The following DMXL2 variants were observed in gnomAD, a reference collection of about 807,000 sequenced individuals.
DMXL2 encodes the protein dmX-like protein 2.
In DMXL2, 103 loss-of-function variants were observed where a neutral mutation model predicts 331.1. That is an observed-to-expected ratio of 0.31 (90% CI 0.27 to 0.37). The LOEUF is 0.37. DMXL2 is among the 10% of genes least tolerant of loss of function. The pLI, the probability that DMXL2 is intolerant of heterozygous loss-of-function variation, is 1.00. For missense variants in DMXL2, 3,171 were observed against 3,642.9 expected (o/e 0.87, Z 3.33); for synonymous variants, 1,281 against 1,252.1 (o/e 1.02, Z -0.49).
chr15:51,458,259 C>G (rs1190232588), intron 36 of DMXL2, among the ~76,000 whole-genome samples: 1 of 152,188 alleles, frequency 6.6e-6, no homozygotes, highest in African/African-American at 2.4e-5. Flanking sequence ...TACTGAATAT[C>G]ATGAAGCCAA....
intron 33 of DMXL2, among the ~76,000 whole-genome samples, chr15:51,461,109 A>G (rs2040073117): frequency 6.6e-6 from 1 of 152,200 alleles, no homozygotes; most frequent in Non-Finnish European, 1.5e-5. Flanking sequence ...AAATTCTTCC[A>G]TCCTAACTCC....
rs118049166 is a variant in DMXL2, at chr15:51,484,717, C to G, written c.5482+1356G>C. ...AAGGAAAATACTAATTCTCCAGTAACAGACCTTAGTCACAAGGAAACATGA... is the reference window on the plus strand; with the variant it reads ...AAGGAAAATACTAATTCTCCAGTAAGAGACCTTAGTCACAAGGAAACATGA... On this transcript the variant is annotated intron_variant, in intron 23 of 43. Transcript: ENST00000560891. Among the ~76,000 whole-genome samples the G allele has an allele frequency of 6.9e-4, 105 of 152,252 alleles. No individual in the cohort carries two copies. In the East Asian group the frequency reaches 0.019, roughly 28 times the overall value.
intron 12 of DMXL2, 120 bp downstream of exon 12, chr15:51,536,046 C>G: frequency 1.0e-6 from 1 of 1,001,658 alleles, no homozygotes; most frequent in South Asian, 2.2e-5. Flanking sequence ...TTAAAAATCA[C>G]CTTAATGAAA....
At chr15:51,618,814 A>AAC (rs2054453457) in intron 1 of DMXL2, among the ~76,000 whole-genome samples, 1 of 152,158 alleles carries the variant, frequency 6.6e-6, no homozygotes, top group African/African-American at 2.4e-5. Context: ...TCCCAACTAC[A>AAC]ATCTCTTCCA....
At chr15:51,594,921 A>G (rs921060567) in intron 1 of DMXL2, among the ~76,000 whole-genome samples, 1 of 152,216 alleles carries the variant, frequency 6.6e-6, no homozygotes, top group Non-Finnish European at 1.5e-5. Flanking sequence ...TGTCAAAATA[A>G]TAAGAGCTAT....
intron 13 of DMXL2, among the ~76,000 whole-genome samples, chr15:51,521,464 G>A (rs199639475): frequency 0.041 from 2,098 of 51,156 alleles, 46 homozygotes; most frequent in African/African-American, 0.11. Context: ...TAGTAGTAGT[G>A]GTAGTGGTAG....
intron 29 of DMXL2, among the ~76,000 whole-genome samples, chr15:51,468,959 AAGAG>A (rs139561448): frequency 5.2e-4 from 77 of 149,350 alleles, no homozygotes; most frequent in Middle Eastern, 7.0e-3. Context: ...AAGTTAAAAA[AAGAG>A]AGAGAGAGAG....
At chr15:51,456,539 G>A (rs574286396) in intron 37 of DMXL2, among the ~76,000 whole-genome samples, 170 bp from the exon 38 acceptor site, 2 of 152,312 alleles carry the variant, frequency 1.3e-5, no homozygotes, top group South Asian at 2.1e-4. Flanking sequence ...TGAAGAGGGT[G>A]AGGAAGCACA....
In DMXL2 at chr15:51,488,014, T is replaced by C; in HGVS notation, c.5157A>G (p.Gln1719=). 1 of 1,613,586 alleles carries C rather than the reference T, an allele frequency of 6.2e-7. No individual in the cohort carries two copies. Among genetic ancestry groups the C allele is most frequent in the Non-Finnish European group, 8.5e-7 (1 of 1,179,772 alleles). The part of the protein sequence containing the change: ...LKNAFSLLGK[Q]RFEQSAAFFL... ...AAAAAGCAGCCGATTGTTCAAAGCG[T>C]TGTTTTCCAAGTAAGGAAAAAGCAT... The change falls in exon 22 of 44, where the codon CAA becomes CAG. Residue 1719 remains glutamine (Q), a synonymous_variant. Coordinates refer to ENST00000560891, the MANE Select transcript of DMXL2 (RefSeq NM_001378457.1).
chr15:51,532,091 G>A (rs2048032813), intron 13 of DMXL2, among the ~76,000 whole-genome samples: 1 of 151,792 alleles, frequency 6.6e-6, no homozygotes, highest in South Asian at 2.1e-4. Context: ...TTGCAGCTCT[G>A]TTCAAAACAA....
intron 6 of DMXL2, among the ~76,000 whole-genome samples, chr15:51,558,948 C>T (rs144823941): frequency 3.3e-5 from 5 of 152,122 alleles, no homozygotes; most frequent in African/African-American, 4.8e-5. Context: ...TGTAATGCTA[C>T]GTATTTTATT....
At chr15:51,621,354 C>T (rs1032663388) in intron 1 of DMXL2, among the ~76,000 whole-genome samples, 2 of 152,282 alleles carry the variant, frequency 1.3e-5, no homozygotes, top group East Asian at 1.9e-4. Context: ...CTTTATTTTC[C>T]GCAGTTTTAA....
In DMXL2 at chr15:51,474,573, A is replaced by G. The variant is rs566873822; in HGVS notation, c.6984T>C (p.Asn2328=). 437 of 1,614,002 alleles carry G rather than the reference A, an allele frequency of 2.7e-4. 3 individuals carry two copies. In the South Asian group the frequency reaches 4.5e-3, roughly 17 times the overall value. The change falls in exon 28 of 44, where the codon AAT becomes AAC. Residue 2328 remains asparagine (N), a synonymous_variant. Transcript: ENST00000560891. ...CTTCATCTTGGGCTGAACTCAAAAG[A>G]TTAATAAGTGAGCTCACACCTATAA... is the stretch of plus-strand genomic sequence containing the variant. The part of the protein sequence containing the change: ...AQWPGVSSLI[N]LLSSAQDEDQ...
At chr15:51,598,576 CTCTT>C (rs2053001940) in intron 1 of DMXL2, among the ~76,000 whole-genome samples, 1 of 152,208 alleles carries the variant, frequency 6.6e-6, no homozygotes, top group Admixed American at 6.5e-5. Context: ...TAATTCTTCA[CTCTT>C]TCTTTGTCTT....
Position 51,568,494 on chromosome 15 carries a change from C to G in DMXL2, c.278G>C (p.Arg93Thr). 1 of 1,558,316 alleles carries G rather than the reference C, an allele frequency of 6.4e-7. No individual in the cohort carries two copies. Among genetic ancestry groups the G allele is most frequent in the East Asian group, 2.3e-5 (1 of 43,362 alleles). Residue 93 changes from arginine to threonine, a missense_variant, in exon 3 of 44, where the codon AGA (arginine) becomes ACA (threonine). Coordinates refer to ENST00000560891, the MANE Select transcript of DMXL2 (RefSeq NM_001378457.1). ...TTATTGGTTAATACTTACACAATTTCTTTTATGAGAATTTATGCCCAAGGG... is the reference window on the plus strand; with the variant it reads ...TTATTGGTTAATACTTACACAATTTGTTTTATGAGAATTTATGCCCAAGGG... ...FEPLGINSHK[R>T]NCQLKCQWLK...
chr15:51,496,807 G>A (rs192416795), intron 18 of DMXL2, among the ~76,000 whole-genome samples: 1 of 152,308 alleles, frequency 6.6e-6, no homozygotes, highest in Admixed American at 6.5e-5. Flanking sequence ...AAGAATGACT[G>A]TAAGTTGTCT....
At chr15:51,558,044 G>T (rs960133617) in intron 6 of DMXL2, among the ~76,000 whole-genome samples, 2 of 152,182 alleles carry the variant, frequency 1.3e-5, no homozygotes, top group Non-Finnish European at 2.9e-5. Context: ...ATTTTGGTGT[G>T]CCAGTTTCAA....
chr15:51,567,646 G>A (rs2050379985), intron 3 of DMXL2: 1 of 152,224 alleles, frequency 6.6e-6, no homozygotes, highest in Non-Finnish European at 1.5e-5. Context: ...AAGGTTAACT[G>A]AGAAACAGTA....
At chr15:51,474,054 C>T (rs571644502) in intron 28 of DMXL2, among the ~76,000 whole-genome samples, 1 of 150,668 alleles carries the variant, frequency 6.6e-6, no homozygotes, top group Non-Finnish European at 1.5e-5. Context: ...TTTTGTATGA[C>T]TTTGTTCCTT....
Sources: allele counts gnomAD v4.1 joint callset (sites outside exome capture counted in the v4.1 genomes callset), GRCh38; gene constraint gnomAD v4.1.1; transcripts MANE v1.5; gene names NCBI Gene and HGNC (gene_info 2026-07-23, HGNC 2026-07-21).